The following PTGR1 variants were observed in gnomAD, a reference collection of about 807,000 sequenced individuals.
PTGR1 encodes the protein 15-oxoprostaglandin 13-reductase.
A neutral mutation model predicts 37.7 loss-of-function variants in PTGR1; 23 were observed. The observed-to-expected ratio is 0.61, with a 90% CI of 0.44 to 0.86. The LOEUF is 0.86. Ranked by LOEUF, PTGR1 falls within the 40% of genes least tolerant of loss-of-function variation. The pLI is 0.00. For synonymous variants in PTGR1, 134 were observed against 140.0 expected, an observed-to-expected ratio of 0.96 and a Z score of 0.30; for missense variants, 351 against 394.3, an observed-to-expected ratio of 0.89 and a Z score of 0.93.
chr9:111,574,722 T>C lies in PTGR1; in HGVS notation c.760+12A>G, dbSNP rs1263170946. On this transcript the variant is annotated intron_variant, in intron 8 of 9. Transcript: ENST00000407693. ...CTTGTGACATATGGGATCGTGTGCATGTGCTCATTACCTGGGGGAAGTGGG... is the reference window on the plus strand; with the variant it reads ...CTTGTGACATATGGGATCGTGTGCACGTGCTCATTACCTGGGGGAAGTGGG... 23 of 1,593,994 alleles carry C rather than the reference T, an allele frequency of 1.4e-5. No individual in the cohort carries two copies. Among genetic ancestry groups the C allele is most frequent in the South Asian group, 2.2e-5 (2 of 90,242 alleles).
chr9:111,594,947 C>A (rs1829735251), intron 2 of PTGR1, among the ~76,000 whole-genome samples: 1 of 149,270 alleles, frequency 6.7e-6, no homozygotes, highest in South Asian at 2.2e-4. Context: ...CTCCATCTCC[C>A]AGGTTCAAGT....
chr9:111,574,359 T>C (rs112733121), intron 8 of PTGR1: 10,053 of 153,586 alleles, frequency 0.065, 566 homozygotes, highest in African/African-American at 0.14. Context: ...TTTTTGTTAT[T>C]ATTATTTTGA....
At position 111,553,564 on chromosome 9, in the gene PTGR1, A is replaced by C. The variant is rs1179470266; in HGVS notation, c.880-3765T>G. 5.3e-5 allele frequency among the ~76,000 whole-genome samples: 8 copies of C among 152,270 alleles called. No individual in the cohort carries two copies. In the East Asian group the frequency reaches 1.3e-3, roughly 26 times the overall value. ...GTGCATAGAAAAAAAAATCATCTGA[A>C]CTCAAATCAATCTGTTGATACTGAC... On this transcript the variant is annotated intron_variant, in intron 9 of 9. Transcript: ENST00000538962.
chr9:111,557,959 C>G (rs1223472328), downstream of PTGR1, among the ~76,000 whole-genome samples: 1 of 151,990 alleles, frequency 6.6e-6, no homozygotes, highest in Non-Finnish European at 1.5e-5. Flanking sequence ...CCAGCCTGGC[C>G]AAAATAGTGA....
chr9:111,595,433 G>A (rs1829749661), intron 2 of PTGR1, among the ~76,000 whole-genome samples: 2 of 152,134 alleles, frequency 1.3e-5, no homozygotes, highest in South Asian at 4.1e-4. Flanking sequence ...CTCACCATAT[G>A]GCTTCATCGC....
rs549985912 is a variant in PTGR1 at position 111,589,156 on chromosome 9, C to A, written c.210-2991G>T. On this transcript the variant is annotated intron_variant, in intron 4 of 9. Coordinates refer to ENST00000407693, the MANE Select transcript of PTGR1 (RefSeq NM_001146108.2). Reference sequence around the variant, plus strand: ...AAAAATAGTTTGCCAATCCAGCAAACACAAATACATGTTCATTTCTTTAAT... The same window carrying A: ...AAAAATAGTTTGCCAATCCAGCAAAAACAAATACATGTTCATTTCTTTAAT... 1.5e-3 allele frequency: 229 copies of A among 154,924 alleles called. 1 individual carries two copies. The highest frequency in any genetic ancestry group is 5.1e-3 in the African/African-American group (213 of 41,580). 9.6% of individuals were successfully genotyped at this position (154,924 alleles called of 1,614,324 possible). A position where few individuals can be genotyped will look rare whatever the true frequency, so the allele number is the denominator to read the frequency against.
At position 111,596,596 on chromosome 9, in the gene PTGR1, C is replaced by CAA. The variant is rs566371612; in HGVS notation, c.106+719_106+720dup. On this transcript the variant is annotated intron_variant, in intron 2 of 9. Coordinates refer to ENST00000407693, the MANE Select transcript of PTGR1 (RefSeq NM_001146108.2). Reference sequence around the variant, plus strand: ...TGAAACTCCATCTCTACTAAAAATACAAAAAAAAAAAAAAATTAGCCGGGC... The same window carrying CAA: ...TGAAACTCCATCTCTACTAAAAATACAAAAAAAAAAAAAAAAATTAGCCGGGC... 2.6e-3 allele frequency among the ~76,000 whole-genome samples: 340 copies of CAA among 130,220 alleles called. 1 individual carries two copies. The highest frequency in any genetic ancestry group is 7.5e-3 in the African/African-American group (263 of 34,992). 85.4% of individuals were successfully genotyped at this position (130,220 alleles called of 152,430 possible).
chr9:111,553,590 T>C (rs1828035959), intron 9 of PTGR1, among the ~76,000 whole-genome samples: 1 of 152,210 alleles, frequency 6.6e-6, no homozygotes, highest in African/African-American at 2.4e-5. Flanking sequence ...TGATACTGAC[T>C]AGATTGGTGA....
chr9:111,583,011 T>C (rs1829326397), intron 6 of PTGR1, among the ~76,000 whole-genome samples: 1 of 152,260 alleles, frequency 6.6e-6, no homozygotes, highest in African/African-American at 2.4e-5. Flanking sequence ...TTGTCTTAGG[T>C]ACCTCCCAGG....
Position 111,563,177 on chromosome 9 carries a change from C to T in PTGR1, c.934G>A (p.Ala312Thr). The change falls in exon 10 of 10, where the codon GCA becomes ACA. Residue 312 changes from alanine (A) to threonine (T), a missense_variant. Coordinates refer to ENST00000407693, the MANE Select transcript of PTGR1 (RefSeq NM_001146108.2). ...IIEGFENMPAAFMGMLKGDNL... is the reference protein window; with the variant it reads ...IIEGFENMPATFMGMLKGDNL... ...TCTCCTTTCAGCATTCCCATAAATG[C>T]AGCTGGCATGTTTTCAAATCCTTCA... 3.1e-6 allele frequency: 5 copies of T among 1,613,996 alleles called. No individual in the cohort carries two copies. The highest frequency in any genetic ancestry group is 4.2e-6 in the Non-Finnish European group (5 of 1,179,952).
chr9:111,575,370 T>C (rs1278544599), intron 7 of PTGR1: 3 of 152,368 alleles, frequency 2.0e-5, no homozygotes, highest in African/African-American at 4.8e-5. Context: ...TTATAACTTA[T>C]ACATTTTCCT....
intron 8 of PTGR1, chr9:111,574,500 C>T (rs1211697893): frequency 3.6e-6 from 1 of 277,362 alleles, no homozygotes; most frequent in Non-Finnish European, 6.8e-6. Flanking sequence ...AGGTGTACAC[C>T]ACCACACCCA....
intron 6 of PTGR1, among the ~76,000 whole-genome samples, 179 bp downstream of exon 6, chr9:111,583,292 TA>T (rs1167253204): frequency 1.3e-5 from 2 of 152,246 alleles, no homozygotes; most frequent in African/African-American, 4.8e-5. Flanking sequence ...TGTTATCAAA[TA>T]ACAATGTTCA....
intron 3 of PTGR1, among the ~76,000 whole-genome samples, chr9:111,593,573 T>C (rs74772115): frequency 0.011 from 1,625 of 152,316 alleles, 40 homozygotes; most frequent in African/African-American, 0.036. Flanking sequence ...ATTAAAAGAA[T>C]ACAGGTAAAT....
At chr9:111,577,832 G>A (rs1829126111) in intron 7 of PTGR1, 1 of 152,160 alleles carries the variant, frequency 6.6e-6, no homozygotes, top group Admixed American at 6.5e-5. Flanking sequence ...GTGACAGAGT[G>A]AGATCCTGTC....
chr9:111,576,370 CA>C (rs1564616146), intron 7 of PTGR1: 1 of 1,614,086 alleles, frequency 6.2e-7, no homozygotes, highest in South Asian at 1.1e-5. Flanking sequence ...TGCAGACATA[CA>C]TGGAGCAGTA....
intron 9 of PTGR1, among the ~76,000 whole-genome samples, chr9:111,551,394 G>GTGTTTGTTTTTTTTTTTTTT (rs1827939530): frequency 8.7e-6 from 1 of 115,498 alleles, no homozygotes; most frequent in African/African-American, 3.4e-5. Flanking sequence ...CAAGTATCCA[G>GTGTTTGTTTTTTTTTTTTTT]TTTTTGTTTT....
At chr9:111,558,547 G>C (rs370636957), downstream of PTGR1, among the ~76,000 whole-genome samples, 1 of 152,114 alleles carries the variant, frequency 6.6e-6, no homozygotes, top group Non-Finnish European at 1.5e-5. Flanking sequence ...AGCTCATCTT[G>C]TATCTTCCCT....
intron 3 of PTGR1, among the ~76,000 whole-genome samples, chr9:111,593,999 T>C (rs1012011019): frequency 2.0e-5 from 3 of 149,016 alleles, no homozygotes; most frequent in East Asian, 2.0e-4. Flanking sequence ...GCAGAGCAGA[T>C]AGGAGATGGT....
Sources: allele counts gnomAD v4.1 joint callset (sites outside exome capture counted in the v4.1 genomes callset), GRCh38; gene constraint gnomAD v4.1.1; transcripts MANE v1.5; gene names NCBI Gene and HGNC (gene_info 2026-07-23, HGNC 2026-07-21).